DNM1L: variants seen among roughly 807,000 people sequenced by gnomAD.
DNM1L encodes the protein dynamin 1L, also known as dynamin-1-like protein.
A neutral mutation model predicts 92.8 loss-of-function variants in DNM1L; 33 were observed. That is an observed-to-expected ratio of 0.36 (90% CI 0.27 to 0.48). DNM1L has a LOEUF of 0.48. DNM1L is among the 20% of genes least tolerant of loss of function. The pLI, the probability that DNM1L is intolerant of heterozygous loss-of-function variation, is 0.99. For synonymous variants in DNM1L, 284 were observed against 305.0 expected (o/e 0.93, Z 0.72); for missense variants, 485 against 888.8 (o/e 0.55, Z 5.78).
In DNM1L at chr12:32,745,081, C is replaced by T. The variant is rs1416904412; in HGVS notation, c.*1671C>T. Reference sequence around the variant, plus strand: ...ACCAACTGATGTCAAACATAAAAACCCCCACATCAGTCTGATACGATATGG... The same window carrying T: ...ACCAACTGATGTCAAACATAAAAACTCCCACATCAGTCTGATACGATATGG... On this transcript the variant is annotated 3_prime_UTR_variant, in exon 20 of 20. Coordinates refer to ENST00000549701, the MANE Select transcript of DNM1L (RefSeq NM_012062.5). 1 of 487,612 alleles carries T rather than the reference C, an allele frequency of 2.1e-6. No individual in the cohort carries two copies. Among genetic ancestry groups the T allele is most frequent in the Non-Finnish European group, 4.0e-6 (1 of 248,374 alleles). 30.2% of individuals were successfully genotyped at this position (487,612 alleles called of 1,614,324 possible).
At chr12:32,711,330 T>G (rs1565511106) in intron 5 of DNM1L, 2 of 304,766 alleles carry the variant, frequency 6.6e-6, no homozygotes, top group Non-Finnish European at 1.2e-5. Context: ...ACACTTTCCC[T>G]TTGATGATTT....
chr12:32,715,070 T>C (rs1471412691), intron 6 of DNM1L, among the ~76,000 whole-genome samples: 2 of 151,888 alleles, frequency 1.3e-5, no homozygotes, highest in Non-Finnish European at 2.9e-5. Context: ...GAGCCATAGA[T>C]ATTGTCATAT....
At chr12:32,718,896 T>A in intron 7 of DNM1L, 133 bp downstream of exon 7, 1 of 1,280,048 alleles carries the variant, frequency 7.8e-7, no homozygotes, top group Non-Finnish European at 1.1e-6. Context: ...TTCTCCCTTT[T>A]ATTATGATCT....
rs768766646 is a variant in DNM1L at position 32,713,226 on chromosome 12, A to G, written c.474A>G (p.Gln158=). ...PGMTKVPVGD[Q]PKDIELQIRE... Reference sequence around the variant, plus strand: ...TGGTTTAGGTGCCTGTAGGTGATCAACCTAAGGATATTGAGCTTCAAATCA... The same window carrying G: ...TGGTTTAGGTGCCTGTAGGTGATCAGCCTAAGGATATTGAGCTTCAAATCA... The change falls in exon 6 of 20, where the codon CAA becomes CAG. Residue 158 remains glutamine (Q), a synonymous_variant. Coordinates refer to ENST00000549701, the MANE Select transcript of DNM1L (RefSeq NM_012062.5). The G allele has an allele frequency of 1.9e-6, 3 of 1,613,842 alleles. No homozygotes were observed. The highest frequency in any genetic ancestry group is 2.2e-5 in the South Asian group (2 of 91,086).
chr12:32,711,100 A>G (rs1057092607), intron 5 of DNM1L, 85 bp downstream of exon 5: 14 of 1,143,228 alleles, frequency 1.2e-5, no homozygotes, highest in Middle Eastern at 1.9e-4. Flanking sequence ...TCTTTTTGCA[A>G]TCACTTTGAT....
intron 1 of DNM1L, among the ~76,000 whole-genome samples, chr12:32,694,375 C>T (rs557933607): frequency 3.3e-5 from 5 of 152,298 alleles, no homozygotes; most frequent in East Asian, 3.9e-4. Flanking sequence ...TGAGCCACCG[C>T]GCCCGGCCAT....
chr12:32,736,843 G>C lies in DNM1L; in HGVS notation c.1540-262G>C, dbSNP rs1186619693. 3.4e-5 allele frequency: 15 copies of C among 435,654 alleles called. 1 individual carries two copies. The highest frequency in any genetic ancestry group is 2.9e-5 in the Non-Finnish European group (7 of 238,750). 27.0% of individuals were successfully genotyped at this position (435,654 alleles called of 1,614,324 possible). On this transcript the variant is annotated intron_variant, in intron 13 of 19. Transcript: ENST00000549701. ...GATGGCAGTCTGTTGCCCCTCATTT[G>C]AGAATCCCCAGTACAGGGAGCCACT...
intron 1 of DNM1L, 56 bp from the exon 2 acceptor site, chr12:32,701,359 T>A: frequency 6.6e-7 from 1 of 1,509,634 alleles, no homozygotes; most frequent in Non-Finnish European, 9.2e-7. Flanking sequence ...GTTTATTGAA[T>A]TAACAAAAAA....
rs868724949 is a variant in DNM1L at position 32,717,955 on chromosome 12, T to C, written c.620-688T>C. 6.8e-3 allele frequency among the ~76,000 whole-genome samples: 727 copies of C among 107,510 alleles called. 47 individuals carry two copies. Among genetic ancestry groups the C allele is most frequent in the African/African-American group, 0.027 (666 of 24,468 alleles). 70.5% of individuals were successfully genotyped at this position (107,510 alleles called of 152,430 possible). A position where few individuals can be genotyped will look rare whatever the true frequency, so the allele number is the denominator to read the frequency against. On this transcript the variant is annotated intron_variant, in intron 6 of 19. Transcript: ENST00000549701. ...TTATATATATATAAAATATAGTATA[T>C]ATAGTATATATATTATATATAGTAT... is the stretch of plus-strand genomic sequence containing the variant.
chr12:32,731,933 C>A lies in DNM1L; in HGVS notation c.1436C>A (p.Thr479Lys). 1.2e-6 allele frequency: 2 copies of A among 1,612,138 alleles called. No individual in the cohort carries two copies. The highest frequency in any genetic ancestry group is 1.7e-6 in the Non-Finnish European group (2 of 1,178,334). ...TCLLRKRLPV[T>K]NEMVHNLVAI... ...CTTCTTCGTAAAAGGTTGCCTGTTA[C>A]AAATGAAATGGTGAGCTACTATAGC... is the stretch of plus-strand genomic sequence containing the variant. Residue 479 changes from threonine to lysine, a missense_variant, in exon 12 of 20, where the codon ACA (threonine) becomes AAA (lysine). Around this residue, in one of 11 missense-constraint regions of DNM1L, gnomAD observed 28 missense variants for 65.1 expected, o/e 0.43. Coordinates refer to ENST00000549701, the MANE Select transcript of DNM1L (RefSeq NM_012062.5). This position sits in a 1 kb window ranked among gnomAD's most constrained non-coding sequence, Gnocchi z 5.1.
In DNM1L at chr12:32,718,748, T is replaced by C. The variant is rs772245414; in HGVS notation, c.725T>C (p.Ile242Thr). The C allele has an allele frequency of 1.9e-6, 3 of 1,613,822 alleles. No homozygotes were observed. Among genetic ancestry groups the C allele is most frequent in the Admixed American group, 1.7e-5 (1 of 60,002 alleles). The change falls in exon 7 of 20, where the codon ATT (isoleucine) becomes ACT (threonine). Residue 242 changes from isoleucine (I) to threonine (T), a missense_variant. Transcript: ENST00000549701. ...GRVIPVKLGI[I>T]GVVNRSQLDI... ...GTTATTCCAGTCAAACTTGGAATAA[T>C]TGGAGTAGTTAACAGGTTAGCAGTT...
At chr12:32,711,284 A>G (rs1384684915) in intron 5 of DNM1L, 6 of 396,626 alleles carry the variant, frequency 1.5e-5, no homozygotes, top group African/African-American at 2.0e-5. Flanking sequence ...TAAGTGCCCC[A>G]GAGCTCAGTT....
Position 32,740,172 on chromosome 12 carries a change from A to G in DNM1L, c.1816A>G (p.Lys606Glu). Residue 606 changes from lysine to glutamate, a missense_variant, in exon 17 of 20, where the codon AAA (lysine) becomes GAA (glutamate). By Grantham distance (56) the Lys-to-Glu change is moderately conservative (BLOSUM62 1). Transcript: ENST00000549701. ...AGCTGAAGAGTTATTAGCAGAAGAA[A>G]AATCAAAACCCATTCCAATTATGCC... ...SKAEELLAEE[K>E]SKPIPIMPAS... 1 of 1,614,182 alleles carries G rather than the reference A, an allele frequency of 6.2e-7. No individual in the cohort carries two copies. Among genetic ancestry groups the G allele is most frequent in the Non-Finnish European group, 8.5e-7 (1 of 1,180,030 alleles).
rs1954556926 is a variant in DNM1L at position 32,731,579 on chromosome 12, G to A, written c.1356+68G>A. ...GGACATGAAGTGGTGGTTTCACTGG[G>A]TGGAAGGAAATGTATAAGATGGGAT... On this transcript the variant is annotated intron_variant, in intron 11 of 19. Coordinates refer to ENST00000549701, the MANE Select transcript of DNM1L (RefSeq NM_012062.5). The surrounding 1 kb of genome is among the most constrained non-coding windows in gnomAD (Gnocchi z 5.1). 1.9e-6 allele frequency: 3 copies of A among 1,592,344 alleles called. No homozygotes were observed. Among genetic ancestry groups the A allele is most frequent in the Non-Finnish European group, 2.6e-6 (3 of 1,166,446 alleles).
At chr12:32,681,397 G>A (rs900151378) in intron 1 of DNM1L, among the ~76,000 whole-genome samples, 3 of 151,942 alleles carry the variant, frequency 2.0e-5, no homozygotes, top group African/African-American at 7.3e-5. Flanking sequence ...CGAAAAATAC[G>A]AAAATTAGCT....
In DNM1L at chr12:32,743,491, C is replaced by G. The variant is rs560295825; in HGVS notation, c.*81C>G. On this transcript the variant is annotated 3_prime_UTR_variant, in exon 20 of 20. Coordinates refer to ENST00000549701, the MANE Select transcript of DNM1L (RefSeq NM_012062.5). ...ACCTGAGTAGAATCTTATTTATGAA[C>G]TCCTGTGTATTGCAATGGTATGAAT... The G allele has an allele frequency of 1.1e-5, 15 of 1,348,426 alleles. No individual in the cohort carries two copies. The African/African-American group carries it at 2.0e-4, about 18-fold the overall frequency. 83.5% of individuals were successfully genotyped at this position (1,348,426 alleles called of 1,614,324 possible). A position where few individuals can be genotyped will look rare whatever the true frequency, so the allele number is the denominator to read the frequency against.
At chr12:32,736,789 C>T (rs550530720) in intron 13 of DNM1L, 13 of 349,378 alleles carry the variant, frequency 3.7e-5, no homozygotes, top group African/African-American at 2.7e-4. Context: ...CAGTTTACAT[C>T]ACTGTTTCTT....
chr12:32,702,233 CAAAAAAA>C (rs1179046487), intron 2 of DNM1L, among the ~76,000 whole-genome samples: 1 of 81,344 alleles, frequency 1.2e-5, no homozygotes, highest in Admixed American at 1.4e-4. Flanking sequence ...GACTCCGTCT[CAAAAAAA>C]AAAAAAAAAA....
chr12:32,738,752 G>A (rs1002186712), intron 16 of DNM1L, among the ~76,000 whole-genome samples: 1 of 152,124 alleles, frequency 6.6e-6, no homozygotes, highest in Non-Finnish European at 1.5e-5. Context: ...GACTGTGAGA[G>A]TTTGAGACTG....
Sources: allele counts gnomAD v4.1 joint callset (sites outside exome capture counted in the v4.1 genomes callset), GRCh38; gene constraint gnomAD v4.1.1; regional missense constraint gnomAD v4.1.1; non-coding constraint Gnocchi (gnomAD v3.1); transcripts MANE v1.5; gene names NCBI Gene and HGNC (gene_info 2026-07-23, HGNC 2026-07-21).